The following KIDINS220 variants were observed in gnomAD, a reference collection of about 807,000 sequenced individuals.
KIDINS220 encodes the protein kinase D-interacting substrate of 220 kDa.
In KIDINS220, 63 loss-of-function variants were observed where a neutral mutation model predicts 157.6. The ratio of observed to expected loss-of-function variants is 0.40; its 90% CI spans 0.33 to 0.49. KIDINS220 has a LOEUF of 0.49. Ranked by LOEUF, KIDINS220 falls within the 20% of genes least tolerant of loss-of-function variation. The pLI, the probability that KIDINS220 is intolerant of heterozygous loss-of-function variation, is 0.66. For synonymous variants in KIDINS220, 732 were observed against 783.6 expected (o/e 0.93, Z 1.10); for missense variants, 1,772 against 2,171.2 (o/e 0.82, Z 3.65).
At chr2:8,726,550 C>T (rs1251668077), downstream of KIDINS220, among the ~76,000 whole-genome samples, 2 of 152,204 alleles carry the variant, frequency 1.3e-5, no homozygotes, top group Admixed American at 6.5e-5. Flanking sequence ...CATCAGTTGA[C>T]GACAGGGGTA....
At chr2:8,797,820 T>C (rs1188603232) in intron 10 of KIDINS220, among the ~76,000 whole-genome samples, 1 of 152,222 alleles carries the variant, frequency 6.6e-6, no homozygotes, top group African/African-American at 2.4e-5. Flanking sequence ...TATTTATGTA[T>C]TCATTTAAAG....
chr2:8,752,482 C>T (rs891489176), intron 22 of KIDINS220, among the ~76,000 whole-genome samples: 2 of 152,108 alleles, frequency 1.3e-5, no homozygotes, highest in Non-Finnish European at 2.9e-5. Flanking sequence ...GTCATATGCT[C>T]GGGGTCACCT....
chr2:8,752,073 T>C (rs1246822160), intron 22 of KIDINS220, among the ~76,000 whole-genome samples: 2 of 152,094 alleles, frequency 1.3e-5, no homozygotes, highest in Non-Finnish European at 2.9e-5. Flanking sequence ...CAGGCTGGAG[T>C]GCAGTGGTGC....
intron 24 of KIDINS220, among the ~76,000 whole-genome samples, chr2:8,748,757 T>C (rs144496459): frequency 2.5e-3 from 376 of 152,204 alleles, no homozygotes; most frequent in African/African-American, 8.8e-3. Context: ...CTAAAAAATC[T>C]CAAATAACTA....
In KIDINS220 at chr2:8,826,981, C is replaced by G; in HGVS notation, c.108+5G>C. 6.4e-7 allele frequency: 1 copy of G among 1,560,356 alleles called. No individual in the cohort carries two copies. The highest frequency in any genetic ancestry group is 8.8e-7 in the Non-Finnish European group (1 of 1,135,604). On this transcript the variant is annotated splice_donor_5th_base_variant and intron_variant, in intron 2 of 29. Coordinates refer to ENST00000256707, the MANE Select transcript of KIDINS220 (RefSeq NM_020738.4). ...AAGAATGTAATTTTGCAAACTTGGT[C>G]TTACCTCATTTCTCTCATCTACATC...
rs1198631388 is a variant in KIDINS220 at position 8,751,446 on chromosome 2, A to C, written c.3190+20T>G. 6.4e-7 allele frequency: 1 copy of C among 1,565,312 alleles called. No individual in the cohort carries two copies. The highest frequency in any genetic ancestry group is 8.7e-7 in the Non-Finnish European group (1 of 1,154,980). On this transcript the variant is annotated intron_variant, in intron 23 of 29. Transcript: ENST00000256707. ...TCTTAGAACTTTAGATGAAAAATTAAATTTACTACTAATACCCACCTGCAA... is the reference window on the plus strand; with the variant it reads ...TCTTAGAACTTTAGATGAAAAATTACATTTACTACTAATACCCACCTGCAA...
rs1401634729 is a variant in KIDINS220, at chr2:8,729,877, A to G, written c.*843T>C. The G allele has an allele frequency of 2.0e-6, 2 of 985,186 alleles. No homozygotes were observed. The highest frequency in any genetic ancestry group is 3.5e-5 in the African/African-American group (2 of 57,222). The allele number at this position is 985,186 out of a possible 1,614,324, so 61.0% of individuals were successfully genotyped here. A position where few individuals can be genotyped will look rare whatever the true frequency, so the allele number is the denominator to read the frequency against. On this transcript the variant is annotated 3_prime_UTR_variant, in exon 30 of 30. Coordinates refer to ENST00000256707, the MANE Select transcript of KIDINS220 (RefSeq NM_020738.4). The stretch of plus-strand genomic sequence containing the variant: ...CCCATGTCTCCCTGATTTTCCAGAA[A>G]AAGAATTCATGTTTTTTTTTCTTCT...
At chr2:8,827,599 G>A (rs772718797) in intron 1 of KIDINS220, among the ~76,000 whole-genome samples, 5 of 151,966 alleles carry the variant, frequency 3.3e-5, no homozygotes, top group East Asian at 1.9e-4. Flanking sequence ...CACCCTGGAC[G>A]AGCCACCGTG....
chr2:8,819,116 A>G (rs1677517488), intron 2 of KIDINS220, among the ~76,000 whole-genome samples: 1 of 152,224 alleles, frequency 6.6e-6, no homozygotes, highest in Admixed American at 6.5e-5. Flanking sequence ...ATTTCAGAAT[A>G]CTTATGGTAG....
chr2:8,830,381 G>C (rs1413585999), intron 1 of KIDINS220, among the ~76,000 whole-genome samples: 1 of 152,094 alleles, frequency 6.6e-6, no homozygotes, highest in South Asian at 2.1e-4. Flanking sequence ...TACACAAAGG[G>C]AAATATGGCT....
chr2:8,806,430 C>A, intron 6 of KIDINS220, 61 bp from the exon 7 acceptor site: 1 of 1,000,012 alleles, frequency 1.0e-6, no homozygotes, highest in Non-Finnish European at 1.5e-6. Context: ...GAAACTAGCT[C>A]TTAACATGAA....
At chr2:8,738,599 G>T (rs1475870003) in intron 26 of KIDINS220, among the ~76,000 whole-genome samples, 1 of 152,148 alleles carries the variant, frequency 6.6e-6, no homozygotes, top group Non-Finnish European at 1.5e-5. Context: ...TAATCACGAG[G>T]AAACATCAGA....
At chr2:8,738,991 C>A (rs1665259875) in intron 26 of KIDINS220, among the ~76,000 whole-genome samples, 1 of 152,112 alleles carries the variant, frequency 6.6e-6, no homozygotes, top group Non-Finnish European at 1.5e-5. Flanking sequence ...TCCGATTGTG[C>A]TAAAAACGAC....
rs1558402199 is a variant in KIDINS220, at chr2:8,778,701, C to G, written c.2641G>C (p.Val881Leu). ...TGIQEDADRR[V>L]SQNSLGEMTK... is the part of the protein sequence containing the mutation. ...ATCTCCCCAAGGCTGTTCTGTGAAACTCTTCTGTCAGCATCTTCCTGTATC... is the reference window on the plus strand; with the variant it reads ...ATCTCCCCAAGGCTGTTCTGTGAAAGTCTTCTGTCAGCATCTTCCTGTATC... Residue 881 changes from valine (V) to leucine (L), a missense_variant, in exon 20 of 30, where the codon GTT becomes CTT. Physicochemically the swap from Val to Leu is conservative, Grantham distance 32. This residue lies in a region of KIDINS220 where 725 missense variants were observed against 1,017.1 expected (regional missense o/e 0.71). Transcript: ENST00000256707. 1 of 1,614,128 alleles carries G rather than the reference C, an allele frequency of 6.2e-7. No homozygotes were observed. Among genetic ancestry groups the G allele is most frequent in the East Asian group, 2.2e-5 (1 of 44,884 alleles).
chr2:8,817,741 T>C (rs1677292738), intron 3 of KIDINS220, 25 bp from the exon 4 acceptor site: 2 of 1,512,890 alleles, frequency 1.3e-6, no homozygotes, highest in Admixed American at 1.9e-5. Flanking sequence ...TTAAAAGTTA[T>C]CATTTTCAAA....
At chr2:8,721,119 AC>A (rs1662936225), downstream of KIDINS220, 1 of 152,080 alleles carries the variant, frequency 6.6e-6, no homozygotes. Context: ...TAAAAAAAAA[AC>A]TCTACAGCAG....
downstream of KIDINS220, chr2:8,725,362 G>A (rs1663218576): frequency 6.6e-6 from 1 of 152,176 alleles, no homozygotes; most frequent in Non-Finnish European, 1.5e-5. Context: ...TTATTCACAT[G>A]CTTCTTGCTA....
At chr2:8,816,707 G>T (rs540128993) in intron 4 of KIDINS220, among the ~76,000 whole-genome samples, 1 of 152,146 alleles carries the variant, frequency 6.6e-6, no homozygotes, top group East Asian at 1.9e-4. Context: ...TGTCATATCC[G>T]TCTTTGCCTC....
chr2:8,822,008 A>C (rs1332099376), intron 2 of KIDINS220, among the ~76,000 whole-genome samples: 1 of 152,234 alleles, frequency 6.6e-6, no homozygotes, highest in Non-Finnish European at 1.5e-5. Context: ...ACACAGGATT[A>C]CATTCCACAT....
Sources: allele counts gnomAD v4.1 joint callset (sites outside exome capture counted in the v4.1 genomes callset), GRCh38; gene constraint gnomAD v4.1.1; regional missense constraint gnomAD v4.1.1; transcripts MANE v1.5; gene names NCBI Gene and HGNC (gene_info 2026-07-23, HGNC 2026-07-21).